TBCK: variants seen among roughly 807,000 people sequenced by gnomAD.
The protein encoded by TBCK is TBC1 domain containing kinase, also known as TBC domain-containing protein kinase-like protein.
TBCK carries 99 observed loss-of-function variants against 113.4 expected under a neutral mutation model. That is an observed-to-expected ratio of 0.87 (90% CI 0.74 to 1.03). The LOEUF (loss-of-function observed/expected upper bound fraction) is 1.03, where lower values mean the gene tolerates loss of function less well. TBCK is among the 50% of genes least tolerant of loss of function. TBCK has a pLI of 0.00. For synonymous variants in TBCK, 369 were observed against 370.8 expected (o/e 1.00, Z 0.05); for missense variants, 1,045 against 1,061.3 (o/e 0.98, Z 0.21).
intron 19 of TBCK, among the ~76,000 whole-genome samples, chr4:106,224,161 G>A (rs1272281954): frequency 6.6e-6 from 1 of 151,770 alleles, no homozygotes; most frequent in Non-Finnish European, 1.5e-5. Context: ...ATAGAACTAA[G>A]TTTAAAAAAA....
At chr4:106,186,490 T>C (rs1722392020) in intron 22 of TBCK, among the ~76,000 whole-genome samples, 1 of 152,142 alleles carries the variant, frequency 6.6e-6, no homozygotes, top group South Asian at 2.1e-4. Context: ...ATTAGTGATG[T>C]TGAACATTTT....
In TBCK at chr4:106,212,754, G is replaced by A; in HGVS notation, c.1856C>T (p.Pro619Leu). 1.2e-6 allele frequency: 2 copies of A among 1,601,630 alleles called. No homozygotes were observed. Among genetic ancestry groups the A allele is most frequent in the South Asian group, 1.1e-5 (1 of 89,646 alleles). Residue 619 changes from proline (P) to leucine (L), a missense_variant, in exon 20 of 26, where the codon CCA becomes CTA. Physicochemically the swap from Pro to Leu is moderately conservative, Grantham distance 98. Coordinates refer to ENST00000394708, the MANE Select transcript of TBCK (RefSeq NM_001163435.3). ...SNHLNEIGFI[P>L]DLYAIPWFLT... ...ATTAATGCACCAAGTACTTACATCT[G>A]GAATGAAACCAATCTCATTGAGATG...
At chr4:106,227,014 T>C (rs1181235770) in intron 19 of TBCK, among the ~76,000 whole-genome samples, 1 of 152,094 alleles carries the variant, frequency 6.6e-6, no homozygotes, top group African/African-American at 2.4e-5. Context: ...CACTACAAAA[T>C]GCACTCCTCC....
At chr4:106,112,771 G>T (rs1489033877) in intron 24 of TBCK, among the ~76,000 whole-genome samples, 1 of 152,122 alleles carries the variant, frequency 6.6e-6, no homozygotes, top group African/African-American at 2.4e-5. Context: ...TTATGACCAT[G>T]ATCAAGCAGA....
At chr4:106,186,714 T>C (rs565134725) in intron 22 of TBCK, among the ~76,000 whole-genome samples, 1 of 152,324 alleles carries the variant, frequency 6.6e-6, no homozygotes, top group South Asian at 2.1e-4. Context: ...TCTTTTGCTG[T>C]GCAGAAGCTT....
At chr4:106,255,164 C>G (rs1000374342) in intron 5 of TBCK, 1 of 156,804 alleles carries the variant, frequency 6.4e-6, no homozygotes, top group African/African-American at 2.4e-5. Flanking sequence ...TTTAGGTCTT[C>G]TATAATGTCT....
At chr4:106,079,268 C>A (rs1327284665) in intron 25 of TBCK, among the ~76,000 whole-genome samples, 1 of 152,108 alleles carries the variant, frequency 6.6e-6, no homozygotes, top group Non-Finnish European at 1.5e-5. Context: ...TGGAACAAGA[C>A]AAGGATGCCT....
intron 25 of TBCK, among the ~76,000 whole-genome samples, chr4:106,078,624 T>C (rs1009276785): frequency 6.6e-6 from 1 of 151,956 alleles, no homozygotes; most frequent in African/African-American, 2.4e-5. Context: ...CAAGTTCTGA[T>C]ATTGAATCAG....
chr4:106,165,829 G>A (rs545174022), intron 23 of TBCK, among the ~76,000 whole-genome samples: 2 of 151,668 alleles, frequency 1.3e-5, no homozygotes, highest in Admixed American at 6.6e-5. Flanking sequence ...ATTATATGAA[G>A]AAAAAGGAAC....
intron 2 of TBCK, among the ~76,000 whole-genome samples, chr4:106,301,930 T>A (rs972067454): frequency 2.6e-5 from 4 of 152,204 alleles, no homozygotes; most frequent in Admixed American, 2.6e-4. Flanking sequence ...ATACTTTCAC[T>A]AAGGAGACTG....
chr4:106,113,793 T>C (rs1743147498), intron 24 of TBCK, among the ~76,000 whole-genome samples: 1 of 152,230 alleles, frequency 6.6e-6, no homozygotes, highest in African/African-American at 2.4e-5. Flanking sequence ...TTATTAACCT[T>C]TTTAATTCTT....
chr4:106,215,594 C>G (rs1218659975), intron 19 of TBCK, among the ~76,000 whole-genome samples: 1 of 152,064 alleles, frequency 6.6e-6, no homozygotes, highest in Non-Finnish European at 1.5e-5. Context: ...GACTTTAAAC[C>G]AGCAAAGATC....
At chr4:106,256,375 T>C (rs2150080090) in intron 5 of TBCK, among the ~76,000 whole-genome samples, 1 of 152,242 alleles carries the variant, frequency 6.6e-6, no homozygotes, top group East Asian at 1.9e-4. Context: ...CTCCCTCCCT[T>C]GCTTGTTGGT....
chr4:106,154,968 C>T (rs1172238717), intron 23 of TBCK, among the ~76,000 whole-genome samples: 1 of 151,420 alleles, frequency 6.6e-6, no homozygotes, highest in Non-Finnish European at 1.5e-5. Context: ...TTTTTTTAAC[C>T]CTCAGATAAT....
chr4:106,186,346 G>A (rs774337347), intron 22 of TBCK, among the ~76,000 whole-genome samples: 12 of 152,028 alleles, frequency 7.9e-5, no homozygotes, highest in Non-Finnish European at 1.6e-4. Flanking sequence ...TTACATTCCC[G>A]CAGGCAGTGT....
intron 25 of TBCK, among the ~76,000 whole-genome samples, chr4:106,085,871 A>G (rs976407898): frequency 6.6e-6 from 1 of 152,212 alleles, no homozygotes; most frequent in African/African-American, 2.4e-5. Flanking sequence ...TAACAAAATT[A>G]AGGCAGAAAT....
intron 22 of TBCK, among the ~76,000 whole-genome samples, chr4:106,177,010 T>G (rs988788671): frequency 4.0e-5 from 6 of 151,150 alleles, no homozygotes; most frequent in Non-Finnish European, 7.4e-5. Flanking sequence ...CAGGTTAGAG[T>G]GTAATGACTA....
intron 19 of TBCK, among the ~76,000 whole-genome samples, chr4:106,215,452 T>G (rs553320829): frequency 1.1e-4 from 17 of 152,250 alleles, no homozygotes; most frequent in African/African-American, 4.1e-4. Context: ...CCCATCAGTG[T>G]GCTGTATTCA....
At chr4:106,133,152 C>A (rs1178435126) in intron 23 of TBCK, among the ~76,000 whole-genome samples, 1 of 152,106 alleles carries the variant, frequency 6.6e-6, no homozygotes, top group African/African-American at 2.4e-5. Context: ...TGTGTCCCCA[C>A]CCAAATCTCA....
Sources: gnomAD v4.1 joint callset for allele counts (sites outside exome capture counted in the v4.1 genomes callset) on GRCh38, gnomAD v4.1.1 for gene constraint, MANE v1.5 for transcripts, NCBI Gene and HGNC (gene_info 2026-07-23, HGNC 2026-07-21) for gene names.